Variants in NPAS3 observed in about 807,000 individuals in gnomAD.
NPAS3 encodes the protein neuronal PAS domain-containing protein 3.
NPAS3 carries 14 observed loss-of-function variants against 73.1 expected under a neutral mutation model. The observed-to-expected ratio is 0.19, with a 90% CI of 0.13 to 0.30. NPAS3 has a LOEUF of 0.30. Among genes scored for constraint, NPAS3 ranks in the 10% least tolerant of loss-of-function variants. The pLI, the probability that NPAS3 is intolerant of heterozygous loss-of-function variation, is 1.00. For synonymous variants in NPAS3, 620 were observed against 541.5 expected (o/e 1.14, Z -2.01); for missense variants, 1,096 against 1,250.0 (o/e 0.88, Z 1.86).
At chr14:33,645,659 C>T (rs1382971139) in intron 5 of NPAS3, among the ~76,000 whole-genome samples, 1 of 152,168 alleles carries the variant, frequency 6.6e-6, no homozygotes, top group Non-Finnish European at 1.5e-5. Flanking sequence ...GGTTGCCTTC[C>T]AGCCTGGCAA....
rs566834333 is a variant in NPAS3, at chr14:32,955,346, G to A, written c.50+15980G>A. ...AATATACTTTGTTGGATACATTGCAGTCTTTCTCTGCAATGGGACTACTTA... is the reference window on the plus strand; with the variant it reads ...AATATACTTTGTTGGATACATTGCAATCTTTCTCTGCAATGGGACTACTTA... On this transcript the variant is annotated intron_variant, in intron 1 of 11. Coordinates refer to ENST00000356141, the Ensembl canonical transcript of NPAS3. 6.6e-4 allele frequency among the ~76,000 whole-genome samples: 100 copies of A among 152,222 alleles called. 1 individual carries two copies. Among genetic ancestry groups the A allele is most frequent in the Non-Finnish European group, 1.3e-3 (88 of 67,962 alleles).
intron 2 of NPAS3, among the ~76,000 whole-genome samples, chr14:33,071,621 A>G (rs934150562): frequency 6.6e-6 from 1 of 152,246 alleles, no homozygotes; most frequent in African/African-American, 2.4e-5. Context: ...CACTTTAAAT[A>G]TATAATTGCA....
intron 5 of NPAS3, among the ~76,000 whole-genome samples, chr14:33,647,667 A>T (rs375026931): frequency 2.0e-5 from 3 of 152,136 alleles, no homozygotes; most frequent in Non-Finnish European, 4.4e-5. Context: ...AATGTCAAGG[A>T]TGCCTCCCAG....
At chr14:33,591,345 T>G (rs1052586068) in intron 5 of NPAS3, among the ~76,000 whole-genome samples, 1 of 152,116 alleles carries the variant, frequency 6.6e-6, no homozygotes, top group African/African-American at 2.4e-5. Flanking sequence ...CTGCACAAGC[T>G]CCACACAAAC....
chr14:32,988,326 G>A (rs2038177981), intron 1 of NPAS3, among the ~76,000 whole-genome samples: 1 of 152,118 alleles, frequency 6.6e-6, no homozygotes, highest in Admixed American at 6.5e-5. Flanking sequence ...GAAAAGGACA[G>A]TTTTCTTTAA....
intron 5 of NPAS3, among the ~76,000 whole-genome samples, chr14:33,563,537 C>CACAG: frequency 2.5e-5 from 3 of 119,652 alleles, no homozygotes; most frequent in African/African-American, 1.1e-4. Context: ...CACACACACA[C>CACAG]AGAGAGAGAG....
chr14:33,625,042 G>C (rs1318800323), intron 5 of NPAS3, among the ~76,000 whole-genome samples: 1 of 152,038 alleles, frequency 6.6e-6, no homozygotes, highest in East Asian at 1.9e-4. Flanking sequence ...ACTGTGTAGG[G>C]TCTGTCTTAG....
exon 3 of NPAS3, chr14:33,215,375 C>G (rs941312583): frequency 1.2e-6 from 2 of 1,613,552 alleles, no homozygotes; most frequent in Non-Finnish European, 1.7e-6. Flanking sequence ...CCAGGGGGAC[C>G]CTCCGTGGAA....
At chr14:33,409,916 A>C (rs1336408098) in intron 4 of NPAS3, among the ~76,000 whole-genome samples, 2 of 152,166 alleles carry the variant, frequency 1.3e-5, no homozygotes, top group Non-Finnish European at 2.9e-5. Context: ...AAAACATTGG[A>C]GATATTAAGT....
intron 3 of NPAS3, among the ~76,000 whole-genome samples, chr14:33,246,537 CAA>C (rs56270689): frequency 0.42 from 42,739 of 102,488 alleles, 7,353 homozygotes; most frequent in South Asian, 0.56. Context: ...GACTTCATCT[CAA>C]AAAAAAAAAA....
chr14:33,175,923 A>G (rs961497494), intron 2 of NPAS3, among the ~76,000 whole-genome samples: 1 of 152,174 alleles, frequency 6.6e-6, no homozygotes, highest in African/African-American at 2.4e-5. Context: ...AAACAACAAC[A>G]ACAAAAAAAA....
At chr14:33,225,932 T>C (rs2139740585) in intron 3 of NPAS3, among the ~76,000 whole-genome samples, 1 of 152,298 alleles carries the variant, frequency 6.6e-6, no homozygotes, top group East Asian at 1.9e-4. Context: ...TGGCCAGAAA[T>C]ATGTTTTTTA....
intron 4 of NPAS3, among the ~76,000 whole-genome samples, chr14:33,411,197 T>C (rs2047910017): frequency 6.6e-6 from 1 of 152,162 alleles, no homozygotes; most frequent in South Asian, 2.1e-4. Context: ...TTCGTTGTTT[T>C]GTTGTTTTTG....
At chr14:33,551,961 GC>G (rs1159541212) in intron 4 of NPAS3, among the ~76,000 whole-genome samples, 1 of 152,210 alleles carries the variant, frequency 6.6e-6, no homozygotes, top group Non-Finnish European at 1.5e-5. Flanking sequence ...AACTGCCTTT[GC>G]CTTGGGGCTT....
At chr14:33,160,499 G>A (rs992064560) in intron 2 of NPAS3, among the ~76,000 whole-genome samples, 3 of 125,394 alleles carry the variant, frequency 2.4e-5, no homozygotes, top group African/African-American at 8.9e-5. Flanking sequence ...TGTGGGGTGG[G>A]GGGAGGGGGG....
chr14:33,646,395 G>GTGTGTATATTTGCCAT, intron 5 of NPAS3, among the ~76,000 whole-genome samples: 2 of 152,198 alleles, frequency 1.3e-5, no homozygotes, highest in South Asian at 4.2e-4. Context: ...GCCTTAGAAT[G>GTGTGTATATTTGCCAT]TGTGTATATT....
At chr14:33,325,270 G>A (rs1449291083) in intron 3 of NPAS3, among the ~76,000 whole-genome samples, 1 of 152,086 alleles carries the variant, frequency 6.6e-6, no homozygotes, top group Non-Finnish European at 1.5e-5. Context: ...TCACGTCATG[G>A]AAAATGGGGT....
chr14:33,705,497 A>G (rs989660728), intron 6 of NPAS3, among the ~76,000 whole-genome samples: 1 of 152,228 alleles, frequency 6.6e-6, no homozygotes, highest in Non-Finnish European at 1.5e-5. Flanking sequence ...GAAATCGGCT[A>G]CTGTATTTAA....
At chr14:33,095,709 C>T (rs2042392329) in intron 2 of NPAS3, among the ~76,000 whole-genome samples, 1 of 135,142 alleles carries the variant, frequency 7.4e-6, no homozygotes, top group South Asian at 2.3e-4. Context: ...CGCTCTGTCG[C>T]CCAGGCTGGA....
Sources: allele counts gnomAD v4.1 joint callset (sites outside exome capture counted in the v4.1 genomes callset), GRCh38; gene constraint gnomAD v4.1.1; transcripts MANE v1.5; gene names NCBI Gene and HGNC (gene_info 2026-07-23, HGNC 2026-07-21).